The following CECR2 variants were observed in gnomAD, a reference collection of about 807,000 sequenced individuals.
CECR2 encodes the protein CECR2 histone acetyl-lysine reader.
CECR2 carries 30 observed loss-of-function variants against 154.5 expected under a neutral mutation model. The ratio of observed to expected loss-of-function variants is 0.19; its 90% CI spans 0.15 to 0.26. The LOEUF is 0.26. CECR2 is among the 10% of genes least tolerant of loss of function. The pLI, the probability that CECR2 is intolerant of heterozygous loss-of-function variation, is 1.00. For synonymous variants in CECR2, 725 were observed against 683.7 expected, an observed-to-expected ratio of 1.06 and a Z score of -0.94; for missense variants, 1,743 against 1,829.3, an observed-to-expected ratio of 0.95 and a Z score of 0.86.
chr22:17,466,470 T>G (rs984243524), intron 1 of CECR2, among the ~76,000 whole-genome samples: 1 of 152,228 alleles, frequency 6.6e-6, no homozygotes, highest in African/African-American at 2.4e-5. Flanking sequence ...GCCCATAGTT[T>G]AGTTATCTGT....
chr22:17,373,986 G>C (rs1241993047), intron 1 of CECR2, among the ~76,000 whole-genome samples: 1 of 152,164 alleles, frequency 6.6e-6, no homozygotes, highest in East Asian at 1.9e-4. Flanking sequence ...TTTCCCCCTA[G>C]CCAAATGCGC....
Position 17,453,634 on chromosome 22 carries a change from C to T in CECR2, c.127-23954C>T, listed in dbSNP as rs186909651. 1.8e-4 allele frequency among the ~76,000 whole-genome samples: 27 copies of T among 152,218 alleles called. No homozygotes were observed. The East Asian group carries it at 5.0e-3, about 28-fold the overall frequency. On this transcript the variant is annotated intron_variant, in intron 1 of 18. Transcript: ENST00000262608. ...TGTATATAAAAAGGATACATCAACC[C>T]TAAATTCTCCTTCCCATTAATGATA...
chr22:17,384,891 T>C (rs1365255045), intron 1 of CECR2, among the ~76,000 whole-genome samples: 1 of 152,232 alleles, frequency 6.6e-6, no homozygotes, highest in Admixed American at 6.5e-5. Flanking sequence ...CTGTTGTGTA[T>C]TCATCCTCGT....
At chr22:17,387,518 G>A (rs2063277840) in intron 1 of CECR2, among the ~76,000 whole-genome samples, 2 of 152,112 alleles carry the variant, frequency 1.3e-5, no homozygotes, top group African/African-American at 4.8e-5. Flanking sequence ...AGAAGGCCCC[G>A]GCTCCAGCCT....
chr22:17,529,699 C>CA (rs34980904), intron 9 of CECR2, among the ~76,000 whole-genome samples: 7,173 of 100,284 alleles, frequency 0.072, 203 homozygotes, highest in Admixed American at 0.094. Flanking sequence ...GATTCCGTCT[C>CA]AAAAAAAAAA....
At chr22:17,507,639 T>C (rs990619671) in intron 7 of CECR2, among the ~76,000 whole-genome samples, 1 of 152,190 alleles carries the variant, frequency 6.6e-6, no homozygotes, top group Non-Finnish European at 1.5e-5. Flanking sequence ...CTGATGATTT[T>C]GATTAAAAAT....
intron 1 of CECR2, among the ~76,000 whole-genome samples, chr22:17,399,327 G>A (rs2053857754): frequency 6.6e-6 from 1 of 151,922 alleles, no homozygotes. Flanking sequence ...CACATTTTAT[G>A]GTTCTCAGTC....
At chr22:17,384,912 A>T (rs1404016456) in intron 1 of CECR2, among the ~76,000 whole-genome samples, 2 of 152,238 alleles carry the variant, frequency 1.3e-5, no homozygotes, top group Non-Finnish European at 2.9e-5. Flanking sequence ...TAATGATCTT[A>T]GCTAGATCTT....
intron 1 of CECR2, among the ~76,000 whole-genome samples, chr22:17,370,326 G>T (rs1410622673): frequency 6.7e-6 from 1 of 149,156 alleles, no homozygotes. Context: ...GCGCGGGGGG[G>T]GGGCCCGCGC....
intron 1 of CECR2, among the ~76,000 whole-genome samples, chr22:17,451,956 C>A (rs537204649): frequency 1.3e-5 from 2 of 152,308 alleles, no homozygotes; most frequent in Non-Finnish European, 2.9e-5. Flanking sequence ...AGTGGACTGA[C>A]AGGAAGTTCA....
chr22:17,504,467 C>A (rs2055798347), intron 6 of CECR2, among the ~76,000 whole-genome samples: 3 of 151,940 alleles, frequency 2.0e-5, no homozygotes, highest in Non-Finnish European at 4.4e-5. Context: ...GACGGAGTCT[C>A]ACTCTGTCGC....
intron 8 of CECR2, among the ~76,000 whole-genome samples, chr22:17,517,818 CAG>C (rs1295208172): frequency 6.6e-6 from 1 of 152,178 alleles, no homozygotes; most frequent in Non-Finnish European, 1.5e-5. Flanking sequence ...TCGTACATAA[CAG>C]GGCAAAGTCA....
At chr22:17,534,283 A>C (rs2056403513) in intron 9 of CECR2, among the ~76,000 whole-genome samples, 1 of 152,124 alleles carries the variant, frequency 6.6e-6, no homozygotes, top group Admixed American at 6.5e-5. Context: ...CTATGATCCC[A>C]ACAGAGCGAG....
chr22:17,430,617 G>A (rs1294698876), intron 1 of CECR2, among the ~76,000 whole-genome samples: 1 of 152,142 alleles, frequency 6.6e-6, no homozygotes, highest in Non-Finnish European at 1.5e-5. Context: ...GTAGTGCTGA[G>A]GAAAGAAGGG....
chr22:17,544,185 G>T (rs1407614170), intron 16 of CECR2, among the ~76,000 whole-genome samples: 1 of 152,176 alleles, frequency 6.6e-6, no homozygotes, highest in Non-Finnish European at 1.5e-5. Flanking sequence ...GGGCAAGAGA[G>T]TAAGACTGTC....
chr22:17,439,541 C>CA (rs201156336), intron 1 of CECR2, among the ~76,000 whole-genome samples: 1,903 of 148,572 alleles, frequency 0.013, 31 homozygotes, highest in African/African-American at 0.044. Context: ...ATCTTAATGA[C>CA]AAAAAAAAAT....
At chr22:17,550,068 AT>A (rs1473079622) in intron 17 of CECR2, among the ~76,000 whole-genome samples, 2 of 151,908 alleles carry the variant, frequency 1.3e-5, no homozygotes, top group East Asian at 3.8e-4. Context: ...TATCTTTGAA[AT>A]TTTTTCCACT....
At chr22:17,511,594 T>C (rs966609293) in intron 7 of CECR2, among the ~76,000 whole-genome samples, 1 of 152,162 alleles carries the variant, frequency 6.6e-6, no homozygotes, top group African/African-American at 2.4e-5. Context: ...AGACACTTGT[T>C]TGTCTCCAAG....
intron 1 of CECR2, among the ~76,000 whole-genome samples, chr22:17,452,252 T>G (rs1288993878): frequency 2.6e-5 from 4 of 152,162 alleles, no homozygotes; most frequent in African/African-American, 9.7e-5. Flanking sequence ...TTTGTATTTT[T>G]CGTAGAGACA....
Sources: allele counts gnomAD v4.1 joint callset (sites outside exome capture counted in the v4.1 genomes callset), GRCh38; gene constraint gnomAD v4.1.1; transcripts MANE v1.5; gene names NCBI Gene and HGNC (gene_info 2026-07-23, HGNC 2026-07-21).